CD38: variants seen among roughly 807,000 people sequenced by gnomAD.
The protein encoded by CD38 is CD38 molecule, also known as ADP-ribosyl cyclase/cyclic ADP-ribose hydrolase 1.
CD38 carries 31 observed loss-of-function variants against 36.3 expected under a neutral mutation model. That is an observed-to-expected ratio of 0.85 (90% confidence interval 0.64 to 1.15). The LOEUF (loss-of-function observed/expected upper bound fraction) is 1.15. CD38 is among the 50% of genes most tolerant of loss of function. CD38 has a pLI of 0.00. For missense variants in CD38, 380 were observed against 371.9 expected (o/e 1.02, Z -0.18); for synonymous variants, 131 against 135.2 (o/e 0.97, Z 0.22).
At chr4:15,801,895 A>T (rs1314403204) in intron 1 of CD38, among the ~76,000 whole-genome samples, 1 of 152,172 alleles carries the variant, frequency 6.6e-6, no homozygotes, top group Non-Finnish European at 1.5e-5. Context: ...CAAGATAAGG[A>T]TGCTTACCCT....
chr4:15,835,001 T>C (rs1430444965), intron 4 of CD38, among the ~76,000 whole-genome samples: 1 of 152,200 alleles, frequency 6.6e-6, no homozygotes, highest in African/African-American at 2.4e-5. Flanking sequence ...AATTAACATA[T>C]CTGTCATCTC....
intron 1 of CD38, among the ~76,000 whole-genome samples, chr4:15,788,469 A>G (rs1246251029): frequency 6.6e-6 from 1 of 151,772 alleles, no homozygotes; most frequent in Admixed American, 6.6e-5. Flanking sequence ...AGTGACTGAC[A>G]TATGAGCGCA....
chr4:15,817,400 CA>C (rs1723624954), intron 2 of CD38, among the ~76,000 whole-genome samples: 3 of 152,210 alleles, frequency 2.0e-5, no homozygotes, highest in Admixed American at 2.0e-4. Context: ...CCTCTCATTC[CA>C]TTGTTAGTGA....
chr4:15,825,052 G>T, intron 3 of CD38, 36 bp downstream of exon 3: 1 of 1,571,880 alleles, frequency 6.4e-7, no homozygotes, highest in South Asian at 1.1e-5. Context: ...GCCCAGGGAT[G>T]TGGAGGGTGA....
chr4:15,842,261 C>G (rs1237922560), intron 7 of CD38, among the ~76,000 whole-genome samples: 1 of 133,308 alleles, frequency 7.5e-6, no homozygotes, highest in Non-Finnish European at 1.6e-5. Context: ...CCCTGACCCC[C>G]GAGCAGCCTA....
intron 1 of CD38, among the ~76,000 whole-genome samples, chr4:15,785,543 T>C (rs28602221): frequency 0.013 from 1,186 of 93,080 alleles, 22 homozygotes; most frequent in African/African-American, 0.072. Flanking sequence ...CCTTTTCTTT[T>C]TTTTTTTATC....
intron 2 of CD38, among the ~76,000 whole-genome samples, chr4:15,819,937 T>C (rs952103668): frequency 2.0e-5 from 3 of 151,800 alleles, no homozygotes; most frequent in Admixed American, 1.3e-4. Flanking sequence ...CCAAGACACA[T>C]AATCATCAGA....
intron 2 of CD38, among the ~76,000 whole-genome samples, chr4:15,821,246 T>C (rs529674468): frequency 6.6e-6 from 1 of 151,786 alleles, no homozygotes; most frequent in African/African-American, 2.4e-5. Flanking sequence ...TAGGAAGATA[T>C]CAAATTGACA....
At chr4:15,785,522 T>C (rs1722795341) in intron 1 of CD38, among the ~76,000 whole-genome samples, 1 of 146,160 alleles carries the variant, frequency 6.8e-6, no homozygotes, top group Non-Finnish European at 1.5e-5. Context: ...GTGTTCAGCC[T>C]GGAGAACGTT....
At chr4:15,839,965 G>C (rs935694269) in intron 5 of CD38, 61 bp from the exon 6 acceptor site, 1 of 1,086,264 alleles carries the variant, frequency 9.2e-7, no homozygotes, top group Non-Finnish European at 1.4e-6. Context: ...GGTTGTTGAG[G>C]GGGGTGTGGA....
At chr4:15,847,527 TGTGCACA>T (rs1198190435) in intron 7 of CD38, among the ~76,000 whole-genome samples, 4 of 108,016 alleles carry the variant, frequency 3.7e-5, no homozygotes, top group Non-Finnish European at 5.3e-5. Context: ...ACCTGCACAA[TGTGCACA>T]TGTACCCTAA....
At chr4:15,801,577 TTAA>T (rs1201467223) in intron 1 of CD38, among the ~76,000 whole-genome samples, 1 of 152,108 alleles carries the variant, frequency 6.6e-6, no homozygotes, top group Non-Finnish European at 1.5e-5. Flanking sequence ...CAACAGCACA[TTAA>T]TAAGTTTATT....
intron 7 of CD38, among the ~76,000 whole-genome samples, chr4:15,841,207 C>T (rs1366208238): frequency 6.6e-6 from 1 of 152,096 alleles, no homozygotes; most frequent in African/African-American, 2.4e-5. Flanking sequence ...TAGGTAGGTA[C>T]TCATTGGTAG....
intron 1 of CD38, among the ~76,000 whole-genome samples, chr4:15,791,611 G>A (rs1245619163): frequency 7.8e-3 from 414 of 53,128 alleles, no homozygotes; most frequent in African/African-American, 0.011. Flanking sequence ...CAGCCGCCCC[G>A]TCCGGGAGGG....
At chr4:15,838,527 C>G (rs1480110394) in intron 5 of CD38, among the ~76,000 whole-genome samples, 1 of 152,164 alleles carries the variant, frequency 6.6e-6, no homozygotes, top group East Asian at 1.9e-4. Flanking sequence ...TCCCCTGCTC[C>G]CCTGCTCCCT....
At chr4:15,847,354 A>C (rs1202317035) in intron 7 of CD38, among the ~76,000 whole-genome samples, 1 of 24,496 alleles carries the variant, frequency 4.1e-5, no homozygotes, top group South Asian at 1.7e-3. Flanking sequence ...GTGGGAATTG[A>C]ACAATGAGAT....
chr4:15,840,599 T>C (rs1724185600), intron 7 of CD38, 61 bp downstream of exon 7: 1 of 943,618 alleles, frequency 1.1e-6, no homozygotes, highest in Non-Finnish European at 1.7e-6. Context: ...ATTTCCTTTT[T>C]TCCTTAGCCT....
chr4:15,791,236 G>A (rs1175784903), intron 1 of CD38, among the ~76,000 whole-genome samples: 3 of 52,166 alleles, frequency 5.8e-5, no homozygotes, highest in African/African-American at 3.8e-4. Context: ...GCCTCTGCCC[G>A]GCCGCCCGTA....
intron 1 of CD38, among the ~76,000 whole-genome samples, chr4:15,799,325 T>C (rs1723167367): frequency 6.6e-6 from 1 of 152,236 alleles, no homozygotes; most frequent in African/African-American, 2.4e-5. Flanking sequence ...TCTTTATGTA[T>C]GTCAGTTTAT....
Sources: allele counts gnomAD v4.1 joint callset (sites outside exome capture counted in the v4.1 genomes callset), GRCh38; gene constraint gnomAD v4.1.1; transcripts MANE v1.5; gene names NCBI Gene and HGNC (gene_info 2026-07-23, HGNC 2026-07-21).